GPC6: variants seen among roughly 807,000 people sequenced by gnomAD.
GPC6 encodes the protein glypican-6.
Under a neutral mutation model 55.2 loss-of-function variants are expected in GPC6, and 14 were observed. The observed-to-expected ratio is 0.25, with a 90% CI of 0.17 to 0.40. The LOEUF (loss-of-function observed/expected upper bound fraction) is 0.40, where lower values mean the gene tolerates loss of function less well. Among genes scored for constraint, GPC6 ranks in the 10% least tolerant of loss-of-function variants. GPC6 has a pLI of 1.00. For missense variants in GPC6, 641 were observed against 708.5 expected, an observed-to-expected ratio of 0.90 and a Z score of 1.08; for synonymous variants, 278 against 259.6, an observed-to-expected ratio of 1.07 and a Z score of -0.68.
chr13:93,310,713 C>T (rs1309820710), intron 1 of GPC6, among the ~76,000 whole-genome samples: 2 of 152,050 alleles, frequency 1.3e-5, no homozygotes, highest in South Asian at 4.2e-4. Context: ...ATGCGACTAC[C>T]ATGTCCATGG....
At chr13:94,018,004 T>A (rs2138707848) in intron 3 of GPC6, among the ~76,000 whole-genome samples, 1 of 152,274 alleles carries the variant, frequency 6.6e-6, no homozygotes, top group Non-Finnish European at 1.5e-5. Flanking sequence ...GTCCTTATCT[T>A]AGAGAGAAAT....
intron 3 of GPC6, among the ~76,000 whole-genome samples, chr13:93,857,698 A>C (rs9652157): frequency 0.05 from 7,587 of 151,690 alleles, 578 homozygotes; most frequent in African/African-American, 0.17. Context: ...CATTGTTTTC[A>C]GCAAATGCGT....
In GPC6 at chr13:94,407,019, C is replaced by T. The variant is rs1881395783; in HGVS notation, c.*3802C>T. ...GTTCCTCCTTGTTGGAGACATTAGC[C>T]AGTGTTTAGTTTTAGACCAACTTAT... is the stretch of plus-strand genomic sequence containing the variant. On this transcript the variant is annotated 3_prime_UTR_variant, in exon 9 of 9. Transcript: ENST00000377047. The T allele has an allele frequency of 6.6e-6, 1 of 152,050 alleles. No individual in the cohort carries two copies. The allele number at this position is 152,050 out of a possible 1,614,324, so 9.4% of individuals were successfully genotyped here.
intron 6 of GPC6, among the ~76,000 whole-genome samples, chr13:94,379,842 C>CA (rs35848248): frequency 6.6e-6 from 1 of 152,058 alleles, no homozygotes; most frequent in South Asian, 2.1e-4. Context: ...TTTCTGCCAA[C>CA]AAAAAGCATG....
chr13:93,994,611 G>A (rs1202412408), intron 3 of GPC6, among the ~76,000 whole-genome samples: 2 of 152,260 alleles, frequency 1.3e-5, no homozygotes, highest in South Asian at 2.1e-4. Context: ...AGCCCCACAA[G>A]CCAGGAAAGC....
intron 1 of GPC6, among the ~76,000 whole-genome samples, chr13:93,363,868 C>G (rs907447517): frequency 1.3e-5 from 2 of 152,104 alleles, no homozygotes; most frequent in African/African-American, 4.8e-5. Context: ...TTTTGATTTG[C>G]AATTCTCTGA....
At chr13:93,262,479 AT>A (rs1398182987) in intron 1 of GPC6, among the ~76,000 whole-genome samples, 3 of 152,224 alleles carry the variant, frequency 2.0e-5, no homozygotes, top group Non-Finnish European at 4.4e-5. Flanking sequence ...TCAAAAATTT[AT>A]TTATGAATTG....
At chr13:93,668,749 C>A (rs1881242092) in intron 2 of GPC6, among the ~76,000 whole-genome samples, 1 of 152,156 alleles carries the variant, frequency 6.6e-6, no homozygotes, top group Admixed American at 6.5e-5. Context: ...GCCTTGCCTA[C>A]CCTGATCTTT....
intron 1 of GPC6, among the ~76,000 whole-genome samples, chr13:93,406,800 G>A (rs1876308896): frequency 6.6e-6 from 1 of 152,054 alleles, no homozygotes; most frequent in Non-Finnish European, 1.5e-5. Context: ...TACTCATTAA[G>A]GAACCATCAG....
At chr13:94,320,468 T>G (rs1876762558) in intron 6 of GPC6, among the ~76,000 whole-genome samples, 1 of 152,220 alleles carries the variant, frequency 6.6e-6, no homozygotes, top group Non-Finnish European at 1.5e-5. Flanking sequence ...GAGTTTATAT[T>G]CCTTGGAAAT....
chr13:94,132,259 A>G (rs1887028520), intron 4 of GPC6, among the ~76,000 whole-genome samples: 1 of 152,114 alleles, frequency 6.6e-6, no homozygotes, highest in African/African-American at 2.4e-5. Flanking sequence ...TTATAAATGT[A>G]TTTGGTACAG....
At chr13:93,579,011 T>C (rs1333783277) in intron 2 of GPC6, among the ~76,000 whole-genome samples, 1 of 152,142 alleles carries the variant, frequency 6.6e-6, no homozygotes. Context: ...ACAGAACATA[T>C]TATATGTTCT....
chr13:93,658,107 T>A (rs1045265503), intron 2 of GPC6, among the ~76,000 whole-genome samples: 5 of 151,984 alleles, frequency 3.3e-5, no homozygotes, highest in African/African-American at 1.2e-4. Context: ...AGTGTAACAT[T>A]TGATGAGTTT....
At chr13:94,258,696 G>C (rs1476628144) in intron 4 of GPC6, among the ~76,000 whole-genome samples, 3 of 152,132 alleles carry the variant, frequency 2.0e-5, no homozygotes. Context: ...GCACAACACT[G>C]AACTATGTCC....
intron 1 of GPC6, among the ~76,000 whole-genome samples, chr13:93,492,034 G>GTAGT (rs1417419836): frequency 7.1e-6 from 1 of 141,692 alleles, no homozygotes; most frequent in Non-Finnish European, 1.5e-5. Context: ...GAACTTTAAA[G>GTAGT]TAGTTTTTTC....
intron 4 of GPC6, among the ~76,000 whole-genome samples, chr13:94,138,854 A>G (rs1006683742): frequency 1.3e-5 from 2 of 152,122 alleles, no homozygotes; most frequent in Non-Finnish European, 2.9e-5. Context: ...GTCTGTCATT[A>G]GGGGCTGCAG....
At chr13:93,234,350 C>G (rs1422524087) in intron 1 of GPC6, among the ~76,000 whole-genome samples, 1 of 152,118 alleles carries the variant, frequency 6.6e-6, no homozygotes, top group African/African-American at 2.4e-5. Context: ...ATGTCGTCCT[C>G]CCCCACCCCC....
chr13:93,927,154 T>G (rs748958849), intron 3 of GPC6, among the ~76,000 whole-genome samples: 2 of 152,198 alleles, frequency 1.3e-5, no homozygotes, highest in African/African-American at 2.4e-5. Context: ...CAGCCTAGAA[T>G]TAAGTAACTT....
At chr13:93,223,096 C>G (rs1331810983), upstream of GPC6, among the ~76,000 whole-genome samples, 4 of 148,394 alleles carry the variant, frequency 2.7e-5, no homozygotes, top group African/African-American at 1.0e-4. Context: ...CACCCCTACA[C>G]CAGGGAAAAG....
Sources: allele counts gnomAD v4.1 joint callset (sites outside exome capture counted in the v4.1 genomes callset), GRCh38; gene constraint gnomAD v4.1.1; transcripts MANE v1.5; gene names NCBI Gene and HGNC (gene_info 2026-07-23, HGNC 2026-07-21).